Variants in CTNNA2 observed in about 807,000 individuals in gnomAD.
The protein encoded by CTNNA2 is catenin alpha-2.
CTNNA2 carries 42 observed loss-of-function variants against 101.0 expected under a neutral mutation model. The ratio of observed to expected loss-of-function variants is 0.42; its 90% CI spans 0.32 to 0.54. The LOEUF (loss-of-function observed/expected upper bound fraction) is 0.54, where lower values mean the gene tolerates loss of function less well. CTNNA2 is among the 20% of genes least tolerant of loss of function. The pLI is 0.14. For missense variants in CTNNA2, 871 were observed against 1,223.1 expected, an observed-to-expected ratio of 0.71 and a Z score of 4.29; for synonymous variants, 450 against 456.4, an observed-to-expected ratio of 0.99 and a Z score of 0.18.
chr2:80,581,333 T>C (rs1232943466), intron 13 of CTNNA2, among the ~76,000 whole-genome samples: 5 of 152,154 alleles, frequency 3.3e-5, no homozygotes, highest in Admixed American at 1.3e-4. Flanking sequence ...TTTTTGTTTA[T>C]AGAGCAAAAG....
chr2:79,413,981 T>C (rs1157552130), intron 4 of CTNNA2, among the ~76,000 whole-genome samples: 1 of 149,474 alleles, frequency 6.7e-6, no homozygotes, highest in East Asian at 2.0e-4. Context: ...ATAAGCTTTT[T>C]AGTTTGATAT....
chr2:79,696,024 G>A (rs1302850137), intron 2 of CTNNA2, among the ~76,000 whole-genome samples: 1 of 151,906 alleles, frequency 6.6e-6, no homozygotes, highest in Non-Finnish European at 1.5e-5. Context: ...CCTGTCCCTT[G>A]GTGGAAGCCC....
Position 79,741,028 on chromosome 2 carries a change from G to A in CTNNA2, c.103-3359G>A, listed in dbSNP as rs114645266. On this transcript the variant is annotated intron_variant, in intron 2 of 18. Coordinates refer to ENST00000402739, the MANE Select transcript of CTNNA2 (RefSeq NM_001282597.3). Reference sequence around the variant, plus strand: ...TGGGAGAAAAGGAAAATGTGCAGTAGTGTGGAGTGGCATGCATTGTCATAG... The same window carrying A: ...TGGGAGAAAAGGAAAATGTGCAGTAATGTGGAGTGGCATGCATTGTCATAG... 1.7e-3 allele frequency among the ~76,000 whole-genome samples: 261 copies of A among 152,256 alleles called. 1 individual carries two copies. Among genetic ancestry groups the A allele is most frequent in the African/African-American group, 5.7e-3 (237 of 41,548 alleles).
In CTNNA2 at chr2:79,227,597, G is replaced by A. The variant is rs1674436675; in HGVS notation, c.-406+29521G>A. On this transcript the variant is annotated intron_variant, in intron 2 of 21. Transcript: ENST00000466387. ...AAGTAAAGTGAGTCACACAATTTTT[G>A]GTTTCCCAGTGCATATAAAAGTTAA... Among the ~76,000 whole-genome samples, 3 of 152,056 alleles carry A rather than the reference G, an allele frequency of 2.0e-5. No individual in the cohort carries two copies. The South Asian group carries it at 6.2e-4, about 32-fold the overall frequency.
intron 13 of CTNNA2, among the ~76,000 whole-genome samples, chr2:80,575,964 C>T (rs1248863310): frequency 6.6e-6 from 1 of 152,098 alleles, no homozygotes; most frequent in Non-Finnish European, 1.5e-5. Context: ...CCATTCAGCA[C>T]CCAAATGGCT....
intron 7 of CTNNA2, among the ~76,000 whole-genome samples, chr2:80,385,047 A>G (rs984575998): frequency 5.3e-5 from 8 of 152,146 alleles, no homozygotes; most frequent in Non-Finnish European, 1.0e-4. Flanking sequence ...ATTGACTTAG[A>G]AAAATTTACT....
intron 3 of CTNNA2, among the ~76,000 whole-genome samples, chr2:79,777,855 A>T (rs1674101007): frequency 6.6e-6 from 1 of 151,960 alleles, no homozygotes; most frequent in African/African-American, 2.4e-5. Context: ...ATGTCCAGGT[A>T]GCAAAGATCC....
chr2:80,447,938 T>G (rs1683202471), intron 9 of CTNNA2, among the ~76,000 whole-genome samples: 1 of 152,212 alleles, frequency 6.6e-6, no homozygotes, highest in Non-Finnish European at 1.5e-5. Context: ...CATCCTTACC[T>G]TTTTGAAAGA....
intron 7 of CTNNA2, among the ~76,000 whole-genome samples, chr2:80,176,920 C>T (rs913715803): frequency 2.6e-5 from 4 of 152,114 alleles, no homozygotes; most frequent in Non-Finnish European, 4.4e-5. Context: ...TGAGAAATGA[C>T]GCTTCCATTT....
chr2:79,964,747 G>A (rs543861376), intron 7 of CTNNA2, among the ~76,000 whole-genome samples: 167 of 152,194 alleles, frequency 1.1e-3, no homozygotes, highest in African/African-American at 3.8e-3. Flanking sequence ...CAGTTCATAT[G>A]GTGCCAACCC....
At chr2:80,224,095 A>G (rs1343939583) in intron 7 of CTNNA2, among the ~76,000 whole-genome samples, 1 of 152,132 alleles carries the variant, frequency 6.6e-6, no homozygotes, top group Non-Finnish European at 1.5e-5. Context: ...CCCTCTTGAC[A>G]CATAAACTCT....
rs562236643 is a variant in CTNNA2, at chr2:79,731,632, T to G, written c.103-12755T>G. Among the ~76,000 whole-genome samples, 4 of 152,128 alleles carry G rather than the reference T, an allele frequency of 2.6e-5. No individual in the cohort carries two copies. In the East Asian group the frequency reaches 7.7e-4, roughly 29 times the overall value. ...TGAGATGCGTGTGAGTGGATAGAAA[T>G]AGAAAATTCATTGCTAGTGGAGGCT... is the stretch of plus-strand genomic sequence containing the variant. On this transcript the variant is annotated intron_variant, in intron 2 of 18. Coordinates refer to ENST00000402739, the MANE Select transcript of CTNNA2 (RefSeq NM_001282597.3).
chr2:79,658,986 A>T (rs1198214030), intron 2 of CTNNA2, among the ~76,000 whole-genome samples: 1 of 152,162 alleles, frequency 6.6e-6, no homozygotes, highest in Admixed American at 6.5e-5. Flanking sequence ...TTAAAATTTC[A>T]ATTTTATATT....
chr2:80,637,742 TGAGAA>T lies in CTNNA2; in HGVS notation c.2575-9836_2575-9832del, dbSNP rs780645270. Among the ~76,000 whole-genome samples the T allele has an allele frequency of 3.5e-4, 54 of 152,226 alleles. No homozygotes were observed. In the South Asian group the frequency reaches 3.7e-3, roughly 11 times the overall value. ...TAGAACATAGCTCCTAGGGCTTAGA[TGAGAA>T]GAGAAGTGAAAGAATGAGGAAGGAT... On this transcript the variant is annotated intron_variant, in intron 18 of 18. Transcript: ENST00000402739.
intron 9 of CTNNA2, among the ~76,000 whole-genome samples, chr2:80,511,414 A>G (rs1309532034): frequency 6.6e-6 from 1 of 152,186 alleles, no homozygotes; most frequent in African/African-American, 2.4e-5. Flanking sequence ...TGTCATGGTT[A>G]TAGGTGAGTT....
At chr2:79,361,572 A>G (rs1677630460) in intron 3 of CTNNA2, among the ~76,000 whole-genome samples, 1 of 152,246 alleles carries the variant, frequency 6.6e-6, no homozygotes, top group Non-Finnish European at 1.5e-5. Context: ...GCTGGTGTTC[A>G]TATTCAATAT....
chr2:80,389,152 C>T (rs1354826780), intron 7 of CTNNA2, among the ~76,000 whole-genome samples: 1 of 152,152 alleles, frequency 6.6e-6, no homozygotes, highest in Non-Finnish European at 1.5e-5. Flanking sequence ...GTTTCTAAAT[C>T]AATTCTTTCA....
At chr2:79,340,237 A>G (rs942924384) in intron 3 of CTNNA2, 4 of 152,164 alleles carry the variant, frequency 2.6e-5, no homozygotes, top group African/African-American at 4.8e-5. Context: ...CTCTGTGTGC[A>G]TGTAACAACA....
intron 2 of CTNNA2, among the ~76,000 whole-genome samples, chr2:79,288,809 G>A (rs1001797650): frequency 2.6e-5 from 4 of 152,190 alleles, no homozygotes; most frequent in Non-Finnish European, 5.9e-5. Context: ...TATTAAAAGA[G>A]TGAAGAATAG....
Sources: gnomAD v4.1 joint callset for allele counts (sites outside exome capture counted in the v4.1 genomes callset) on GRCh38, gnomAD v4.1.1 for gene constraint, MANE v1.5 for transcripts, NCBI Gene and HGNC (gene_info 2026-07-23, HGNC 2026-07-21) for gene names.